The following THEMIS2 variants were observed in gnomAD, a reference collection of about 807,000 sequenced individuals.
THEMIS2 encodes the protein thymocyte selection associated family member 2.
Under a neutral mutation model 46.8 loss-of-function variants are expected in THEMIS2, and 29 were observed. That is an observed-to-expected ratio of 0.62 (90% CI 0.46 to 0.84). The LOEUF (loss-of-function observed/expected upper bound fraction) is 0.84. Among genes scored for constraint, THEMIS2 ranks in the 40% least tolerant of loss-of-function variants. The pLI is 0.00. For missense variants in THEMIS2, 698 were observed against 834.7 expected, an observed-to-expected ratio of 0.84 and a Z score of 2.02; for synonymous variants, 335 against 349.1, an observed-to-expected ratio of 0.96 and a Z score of 0.45.
chr1:27,881,907 A>T, intron 3 of THEMIS2, 64 bp from the exon 4 acceptor site: 1 of 1,367,334 alleles, frequency 7.3e-7, no homozygotes, highest in Non-Finnish European at 1.0e-6. Flanking sequence ...CCAATGCTCT[A>T]TGCCTGGGGT....
chr1:27,877,793 C>A (rs375617052), intron 2 of THEMIS2, among the ~76,000 whole-genome samples: 1 of 152,000 alleles, frequency 6.6e-6, no homozygotes, highest in African/African-American at 2.4e-5. Flanking sequence ...GTAATGAGGG[C>A]GATTAGGCTT....
chr1:27,876,824 T>G, intron 2 of THEMIS2, 96 bp downstream of exon 2: 2 of 1,474,120 alleles, frequency 1.4e-6, no homozygotes, highest in Non-Finnish European at 1.8e-6. Flanking sequence ...AGTCACTCCC[T>G]CCCCTCGGGG....
In THEMIS2 at chr1:27,882,888, T is replaced by G; in HGVS notation, c.1564T>G (p.Ser522Ala). The change falls in exon 4 of 6, where the codon TCT becomes GCT. Residue 522 changes from serine to alanine, a missense_variant. By Grantham distance (99) the Ser-to-Ala change is moderately conservative. Transcript: ENST00000373921. The surrounding 1 kb of genome is among the most constrained non-coding windows in gnomAD (Gnocchi z 7.6). The stretch of plus-strand genomic sequence containing the variant: ...GGGGCAGCCAGACTTGCCAGAGGGG[T>G]CTCTCCCCATAGCCACAGTGGAGGA... Reference protein sequence around the residue: ...AKGQPDLPEGSLPIATVEELT... With the variant: ...AKGQPDLPEGALPIATVEELT... 6.2e-7 allele frequency: 1 copy of G among 1,613,396 alleles called. No individual in the cohort carries two copies. Among genetic ancestry groups the G allele is most frequent in the Non-Finnish European group, 8.5e-7 (1 of 1,179,826 alleles).
chr1:27,872,561 C>T lies in THEMIS2; in HGVS notation c.-11C>T. Reference sequence around the variant, plus strand: ...CGCCCCTCAGTCTGAGCCCAGAGAGCCGCGGGGACCATGGAGCCGGTGCCG... The same window carrying T: ...CGCCCCTCAGTCTGAGCCCAGAGAGTCGCGGGGACCATGGAGCCGGTGCCG... On this transcript the variant is annotated 5_prime_UTR_variant, in exon 1 of 6. Transcript: ENST00000373921. The surrounding 1 kb of genome is among the most constrained non-coding windows in gnomAD (Gnocchi z 4.9). 1.3e-6 allele frequency: 2 copies of T among 1,484,772 alleles called. No individual in the cohort carries two copies. The highest frequency in any genetic ancestry group is 1.8e-6 in the Non-Finnish European group (2 of 1,120,672). 92.0% of individuals were successfully genotyped at this position (1,484,772 alleles called of 1,614,324 possible). A position where few individuals can be genotyped will look rare whatever the true frequency, so the allele number is the denominator to read the frequency against.
chr1:27,885,487 G>T (rs769635654), intron 5 of THEMIS2, 36 bp downstream of exon 5: 3 of 1,604,216 alleles, frequency 1.9e-6, no homozygotes, highest in East Asian at 4.5e-5. Context: ...CCTTGTCCTT[G>T]TGTCTCCCCT....
intron 3 of THEMIS2, among the ~76,000 whole-genome samples, chr1:27,880,880 C>A (rs1011346384): frequency 4.6e-5 from 7 of 151,914 alleles, no homozygotes; most frequent in African/African-American, 1.7e-4. Flanking sequence ...CAGGTTCAAG[C>A]GATTCTCTTG....
rs187787583 is a variant in THEMIS2, at chr1:27,881,883, G to A, written c.647-88G>A. ...AAGAAAAGACAGCAGCGGGAGGGAGGCCAGCCGGCCCAGCCAATGCTCTAT... is the reference window on the plus strand; with the variant it reads ...AAGAAAAGACAGCAGCGGGAGGGAGACCAGCCGGCCCAGCCAATGCTCTAT... On this transcript the variant is annotated intron_variant, in intron 3 of 5. Transcript: ENST00000373921. The A allele has an allele frequency of 1.4e-3, 1,489 of 1,076,304 alleles. 13 individuals are homozygous for A. In the African/African-American group the frequency reaches 0.015, roughly 11 times the overall value. 66.7% of individuals were successfully genotyped at this position (1,076,304 alleles called of 1,614,324 possible).
intron 3 of THEMIS2, among the ~76,000 whole-genome samples, chr1:27,880,352 T>A (rs2089658562): frequency 6.6e-6 from 1 of 152,008 alleles, no homozygotes; most frequent in African/African-American, 2.4e-5. Flanking sequence ...GCCCGGCTAA[T>A]TTTTTGTATT....
At position 27,885,570 on chromosome 1, in the gene THEMIS2, G is replaced by A; in HGVS notation, c.1876+119G>A. ...GACCCTTCTATGGTCCCAGTTTGAT[G>A]GACAGGCCTCTATGGGGTGGGCTCA... is the stretch of plus-strand genomic sequence containing the variant. On this transcript the variant is annotated intron_variant, in intron 5 of 5. Coordinates refer to ENST00000373921, the MANE Select transcript of THEMIS2 (RefSeq NM_001105556.3). 1.5e-5 allele frequency: 20 copies of A among 1,305,110 alleles called. 1 individual carries two copies. The South Asian group carries it at 3.0e-4, about 19-fold the overall frequency. The allele number at this position is 1,305,110 out of a possible 1,614,324, so 80.8% of individuals were successfully genotyped here. A position where few individuals can be genotyped will look rare whatever the true frequency, so the allele number is the denominator to read the frequency against.
intron 4 of THEMIS2, among the ~76,000 whole-genome samples, 175 bp downstream of exon 4, chr1:27,883,218 A>G (rs1267228779): frequency 6.6e-6 from 1 of 152,088 alleles, no homozygotes; most frequent in Non-Finnish European, 1.5e-5. Flanking sequence ...GGTTGGCATG[A>G]TTATCAGTAT....
intron 3 of THEMIS2, among the ~76,000 whole-genome samples, chr1:27,880,341 T>C (rs981699641): frequency 6.6e-6 from 1 of 152,046 alleles, no homozygotes; most frequent in Non-Finnish European, 1.5e-5. Context: ...TGCACCACCA[T>C]GCCCGGCTAA....
chr1:27,879,737 G>C lies in THEMIS2; in HGVS notation c.329G>C (p.Cys110Ser). Residue 110 changes from cysteine (C) to serine (S), a missense_variant, in exon 3 of 6, where the codon TGC becomes TCC. Transcript: ENST00000373921. ...TTQSSKQLPTCFMSTHRIVTE... is the reference protein window; with the variant it reads ...TTQSSKQLPTSFMSTHRIVTE... ...CAGAGCTCCAAGCAGCTGCCCACTT[G>C]CTTCATGTCGACCCACAGGATTGTC... 6.2e-7 allele frequency: 1 copy of C among 1,614,100 alleles called. No individual in the cohort carries two copies. The highest frequency in any genetic ancestry group is 8.5e-7 in the Non-Finnish European group (1 of 1,180,016).
intron 1 of THEMIS2, among the ~76,000 whole-genome samples, chr1:27,874,033 G>GTTGTTTTTTTT (rs2089534331): frequency 1.0e-5 from 1 of 97,164 alleles, no homozygotes; most frequent in African/African-American, 5.2e-5. Context: ...TTCAACCTAG[G>GTTGTTTTTTTT]TTTTTTTTTT....
At chr1:27,873,124 T>A (rs2089517247) in intron 1 of THEMIS2, among the ~76,000 whole-genome samples, 1 of 152,166 alleles carries the variant, frequency 6.6e-6, no homozygotes, top group South Asian at 2.1e-4. Flanking sequence ...CTTGGCCTTC[T>A]GTTTGACCAT....
rs748573900 is a variant in THEMIS2 at position 27,882,740 on chromosome 1, C to T, written c.1416C>T (p.Phe472=). ...TSHPTDPLTS[F]LGLRLEEKIT... is the part of the protein sequence containing the mutation. ...ACCCCACTGACCCTCTGACCTCCTTCCTGGGCCTGCGGCTGGAGGAGAAGA... is the reference window on the plus strand; with the variant it reads ...ACCCCACTGACCCTCTGACCTCCTTTCTGGGCCTGCGGCTGGAGGAGAAGA... The change falls in exon 4 of 6, where the codon TTC becomes TTT. Residue 472 remains phenylalanine (F), a synonymous_variant. Transcript: ENST00000373921. The surrounding 1 kb of genome is among the most constrained non-coding windows in gnomAD (Gnocchi z 7.6). 8 of 1,613,768 alleles carry T rather than the reference C, an allele frequency of 5.0e-6. No homozygotes were observed. Among genetic ancestry groups the T allele is most frequent in the Non-Finnish European group, 6.8e-6 (8 of 1,179,976 alleles).
Position 27,882,256 on chromosome 1 carries a change from C to A in THEMIS2, c.932C>A (p.Pro311His), listed in dbSNP as rs769666282. The change falls in exon 4 of 6, where the codon CCC (proline) becomes CAC (histidine). Residue 311 changes from proline to histidine, a missense_variant. Transcript: ENST00000373921. The surrounding 1 kb of genome is among the most constrained non-coding windows in gnomAD (Gnocchi z 7.6). ...VLASSKGRKVPRHFLVSGGYQ... is the reference protein window; with the variant it reads ...VLASSKGRKVHRHFLVSGGYQ... ...GCCTCAAGCAAGGGCCGCAAGGTGC[C>A]CAGGCACTTCCTGGTGTCAGGGGGC... 1 of 1,608,226 alleles carries A rather than the reference C, an allele frequency of 6.2e-7. No homozygotes were observed. The highest frequency in any genetic ancestry group is 8.5e-7 in the Non-Finnish European group (1 of 1,176,428).
At chr1:27,885,543 C>T in intron 5 of THEMIS2, 92 bp downstream of exon 5, 1 of 1,473,522 alleles carries the variant, frequency 6.8e-7, no homozygotes. Context: ...TGTCCAGGGA[C>T]AGACCCTTCT....
At chr1:27,876,173 A>G (rs1348478466) in intron 1 of THEMIS2, among the ~76,000 whole-genome samples, 1 of 149,658 alleles carries the variant, frequency 6.7e-6, no homozygotes, top group Non-Finnish European at 1.5e-5. Flanking sequence ...GCTGTACACT[A>G]AGGGAATCCC....
In THEMIS2 at chr1:27,882,204, C is replaced by T. The variant is rs760084085; in HGVS notation, c.880C>T (p.Leu294=). ...AGGCCAGAGGCTTTGCGTCTATGGCCTAGCCTCACCACCCTGGCGGGTCCT... is the reference window on the plus strand; with the variant it reads ...AGGCCAGAGGCTTTGCGTCTATGGCTTAGCCTCACCACCCTGGCGGGTCCT... The part of the protein sequence containing the change: ...QKGQRLCVYG[L]ASPPWRVLAS... The change falls in exon 4 of 6, where the codon CTA becomes TTA. Residue 294 remains leucine (L), a synonymous_variant. Transcript: ENST00000373921. This position sits in a 1 kb window ranked among gnomAD's most constrained non-coding sequence, Gnocchi z 7.6. 7 of 1,611,402 alleles carry T rather than the reference C, an allele frequency of 4.3e-6. No individual in the cohort carries two copies. In the East Asian group the frequency reaches 1.3e-4, roughly 31 times the overall value.
Sources: gnomAD v4.1 joint callset for allele counts (sites outside exome capture counted in the v4.1 genomes callset) on GRCh38, gnomAD v4.1.1 for gene constraint, Gnocchi (gnomAD v3.1) non-coding constraint, MANE v1.5 for transcripts, NCBI Gene and HGNC (gene_info 2026-07-23, HGNC 2026-07-21) for gene names.